ANAPC10: variants seen among roughly 807,000 people sequenced by gnomAD.
The protein encoded by ANAPC10 is anaphase-promoting complex subunit 10.
A neutral mutation model predicts 22.0 loss-of-function variants in ANAPC10; 12 were observed. The ratio of observed to expected loss-of-function variants is 0.55; its 90% CI spans 0.35 to 0.88. The LOEUF is 0.88. ANAPC10 is among the 40% of genes least tolerant of loss of function. The pLI is 0.01. For missense variants in ANAPC10, 188 were observed against 220.9 expected (o/e 0.85, Z 0.94); for synonymous variants, 65 against 69.5 (o/e 0.94, Z 0.32).
chr4:145,059,583 T>C (rs1249433872), intron 4 of ANAPC10, among the ~76,000 whole-genome samples: 1 of 152,120 alleles, frequency 6.6e-6, no homozygotes, highest in Non-Finnish European at 1.5e-5. Flanking sequence ...CTTTCACATA[T>C]GCTGAAAGTG....
chr4:145,050,910 T>C (rs1350659648), intron 4 of ANAPC10, among the ~76,000 whole-genome samples: 1 of 152,252 alleles, frequency 6.6e-6, no homozygotes, highest in African/African-American at 2.4e-5. Context: ...AATAAGGCTG[T>C]ATTGCTTTCT....
chr4:145,093,000 T>C (rs1747922052), intron 2 of ANAPC10, among the ~76,000 whole-genome samples: 1 of 152,182 alleles, frequency 6.6e-6, no homozygotes, highest in Admixed American at 6.5e-5. Context: ...GCCAAAATGC[T>C]GAGGCCAGGC....
At chr4:145,071,267 G>A (rs1187447737) in intron 3 of ANAPC10, among the ~76,000 whole-genome samples, 1 of 152,108 alleles carries the variant, frequency 6.6e-6, no homozygotes, top group Non-Finnish European at 1.5e-5. Context: ...TTAGCCAGGC[G>A]TGGTGATGCA....
intron 4 of ANAPC10, among the ~76,000 whole-genome samples, chr4:144,998,492 C>A (rs1240184291): frequency 3.3e-5 from 5 of 152,254 alleles, no homozygotes; most frequent in South Asian, 2.1e-4. Context: ...TACATGGAAA[C>A]TGAACAACCT....
chr4:145,038,937 T>C (rs558041919), intron 4 of ANAPC10, among the ~76,000 whole-genome samples: 1 of 31,006 alleles, frequency 3.2e-5, no homozygotes, highest in Non-Finnish European at 5.5e-5. Flanking sequence ...CAGAGAAAAA[T>C]AGGTCACATG....
intron 3 of ANAPC10, among the ~76,000 whole-genome samples, chr4:145,077,331 G>C (rs138344880): frequency 6.6e-6 from 1 of 152,182 alleles, no homozygotes; most frequent in African/African-American, 2.4e-5. Flanking sequence ...CAGAGAGGGA[G>C]AAACAACAAG....
At position 144,996,252 on chromosome 4, in the gene ANAPC10, G is replaced by C. The variant is rs543214102; in HGVS notation, c.328-649C>G. Among the ~76,000 whole-genome samples the C allele has an allele frequency of 3.3e-5, 5 of 152,164 alleles. No individual in the cohort carries two copies. In the South Asian group the frequency reaches 1.0e-3, roughly 32 times the overall value. ...GATGACAGAAACACTCTACCAACTA[G>C]GGCCTTGGGCCTGACATAATAAGCT... On this transcript the variant is annotated intron_variant, in intron 4 of 4. Coordinates refer to ENST00000507656, the MANE Select transcript of ANAPC10 (RefSeq NM_001256706.2).
chr4:145,053,444 A>AAATCAAG (rs1411708266), intron 4 of ANAPC10, among the ~76,000 whole-genome samples: 16 of 152,336 alleles, frequency 1.1e-4, no homozygotes, highest in African/African-American at 3.8e-4. Flanking sequence ...TAAGTATAAG[A>AAATCAAG]AATCAAGACT....
Position 145,003,931 on chromosome 4 carries a change from A to G in ANAPC10, c.328-8328T>C, listed in dbSNP as rs185503733. On this transcript the variant is annotated intron_variant, in intron 4 of 4. Transcript: ENST00000507656. ...ACTGAATCTGTAAATAGCTTTGGGC[A>G]GTATGGCCTTTTAACAATATTGAGT... Among the ~76,000 whole-genome samples the G allele has an allele frequency of 4.9e-4, 75 of 152,324 alleles. 1 individual carries two copies. Among genetic ancestry groups the G allele is most frequent in the Admixed American group, 3.6e-3 (55 of 15,284 alleles).
chr4:145,064,674 C>A lies in ANAPC10; in HGVS notation c.225G>T (p.Lys75Asn). ...NIQFRRKTTV[K>N]TLCIYADYKS... Reference sequence around the variant, plus strand: ...TGTAGTCTGCATAAATACATAATGTCTTCACTGTTGTTTTTCTTCTAAAAG... The same window carrying A: ...TGTAGTCTGCATAAATACATAATGTATTCACTGTTGTTTTTCTTCTAAAAG... Residue 75 changes from lysine (K) to asparagine (N), a missense_variant, in exon 4 of 5, where the codon AAG becomes AAT. By Grantham distance (94) the Lys-to-Asn change is moderately conservative. Coordinates refer to ENST00000507656, the MANE Select transcript of ANAPC10 (RefSeq NM_001256706.2). The A allele has an allele frequency of 6.5e-7, 1 of 1,543,202 alleles. No individual in the cohort carries two copies. The highest frequency in any genetic ancestry group is 8.8e-7 in the Non-Finnish European group (1 of 1,142,002).
Position 144,994,806 on chromosome 4 carries a change from A to G in ANAPC10, c.*567T>C, listed in dbSNP as rs192740121. 1 of 152,360 alleles carries G rather than the reference A, an allele frequency of 6.6e-6. No homozygotes were observed. The highest frequency in any genetic ancestry group is 1.9e-4 in the East Asian group (1 of 5,186). The allele number at this position is 152,360 out of a possible 1,614,324, so 9.4% of individuals were successfully genotyped here. A position where few individuals can be genotyped will look rare whatever the true frequency, so the allele number is the denominator to read the frequency against. ...GGCTGTAAGTATTCCGTGAAGGTGAATATGAGACAATTAATTATACTCCCC... is the reference window on the plus strand; with the variant it reads ...GGCTGTAAGTATTCCGTGAAGGTGAGTATGAGACAATTAATTATACTCCCC... On this transcript the variant is annotated 3_prime_UTR_variant, in exon 5 of 5. Coordinates refer to ENST00000507656, the MANE Select transcript of ANAPC10 (RefSeq NM_001256706.2).
At chr4:145,026,928 T>TAC (rs1736754509) in intron 4 of ANAPC10, among the ~76,000 whole-genome samples, 1 of 18,032 alleles carries the variant, frequency 5.5e-5, no homozygotes, top group Non-Finnish European at 1.1e-4. Context: ...TACATATATA[T>TAC]ATATATATAT....
At chr4:145,037,910 G>A (rs548250968) in intron 4 of ANAPC10, among the ~76,000 whole-genome samples, 8 of 136,836 alleles carry the variant, frequency 5.8e-5, no homozygotes, top group African/African-American at 2.0e-4. Context: ...TTGCGCTACT[G>A]CACTCAAGCA....
Position 145,003,624 on chromosome 4 carries a change from C to A in ANAPC10, c.328-8021G>T, listed in dbSNP as rs116600213. 7.8e-3 allele frequency among the ~76,000 whole-genome samples: 1,188 copies of A among 152,258 alleles called. 18 individuals carry two copies. The highest frequency in any genetic ancestry group is 0.026 in the African/African-American group (1,096 of 41,558). ...TCCTTCCCCCATTGCTTGTTTTTGT[C>A]GACTTCGTTGAAGATCAGATGGTTG... On this transcript the variant is annotated intron_variant, in intron 4 of 4. Transcript: ENST00000507656.
chr4:145,034,236 C>A (rs1020494606), intron 4 of ANAPC10, among the ~76,000 whole-genome samples: 1 of 151,986 alleles, frequency 6.6e-6, no homozygotes, highest in Non-Finnish European at 1.5e-5. Context: ...AAGAGATTAA[C>A]ATCTGAGTCA....
Position 145,048,543 on chromosome 4 carries a change from G to A in ANAPC10, c.327+16029C>T, listed in dbSNP as rs1051963169. 3.3e-5 allele frequency among the ~76,000 whole-genome samples: 5 copies of A among 152,006 alleles called. No homozygotes were observed. The South Asian group carries it at 6.2e-4, about 19-fold the overall frequency. The stretch of plus-strand genomic sequence containing the variant: ...TTAAGTCTACTTAATCACATGTGTC[G>A]ATTTTTAACTATAGAAGCAACTACT... On this transcript the variant is annotated intron_variant, in intron 4 of 4. Coordinates refer to ENST00000507656, the MANE Select transcript of ANAPC10 (RefSeq NM_001256706.2).
chr4:145,068,506 G>T (rs1454298023), intron 3 of ANAPC10, among the ~76,000 whole-genome samples: 5 of 152,256 alleles, frequency 3.3e-5, no homozygotes. Flanking sequence ...TAACGTGCTA[G>T]ATATATTACC....
At chr4:145,028,423 C>A (rs1182380563) in intron 4 of ANAPC10, among the ~76,000 whole-genome samples, 1 of 152,052 alleles carries the variant, frequency 6.6e-6, no homozygotes, top group African/African-American at 2.4e-5. Flanking sequence ...TGCAGACAGC[C>A]TATTGTGGTA....
chr4:145,027,708 A>T (rs1245358070), intron 4 of ANAPC10, among the ~76,000 whole-genome samples: 1 of 152,210 alleles, frequency 6.6e-6, no homozygotes, highest in Non-Finnish European at 1.5e-5. Context: ...GCAATGGAGA[A>T]TGTGTTTAAA....
Sources: gnomAD v4.1 joint callset for allele counts (sites outside exome capture counted in the v4.1 genomes callset) on GRCh38, gnomAD v4.1.1 for gene constraint, MANE v1.5 for transcripts, NCBI Gene and HGNC (gene_info 2026-07-23, HGNC 2026-07-21) for gene names.